Variants in TBCA observed in about 807,000 individuals in gnomAD.
TBCA encodes the protein tubulin folding cofactor A, also known as tubulin-specific chaperone A.
In TBCA, 6 loss-of-function variants were observed where a neutral mutation model predicts 15.8. That is an observed-to-expected ratio of 0.38 (90% confidence interval 0.21 to 0.75). The LOEUF (loss-of-function observed/expected upper bound fraction) is 0.75. Among genes scored for constraint, TBCA ranks in the 30% least tolerant of loss-of-function variants. The probability of loss-of-function intolerance (pLI) is 0.46; values close to 1 mark genes in which losing one functional copy is unlikely to be tolerated. For synonymous variants in TBCA, 32 were observed against 42.3 expected, an observed-to-expected ratio of 0.76 and a Z score of 0.94; for missense variants, 90 against 131.2, an observed-to-expected ratio of 0.69 and a Z score of 1.53.
chr5:77,693,115 C>A (rs1321025851), intron 3 of TBCA, 151 bp downstream of exon 3: 1 of 1,493,364 alleles, frequency 6.7e-7, no homozygotes, highest in African/African-American at 1.4e-5. Context: ...AATTTAAACT[C>A]CATTAATTAT....
At chr5:77,702,783 T>A (rs1746051237) in intron 2 of TBCA, among the ~76,000 whole-genome samples, 1 of 152,260 alleles carries the variant, frequency 6.6e-6, no homozygotes, top group South Asian at 2.1e-4. Flanking sequence ...GAATTTCCTG[T>A]GAAATCTATA....
chr5:77,751,661 C>A (rs1319640216), intron 1 of TBCA, among the ~76,000 whole-genome samples: 1 of 152,156 alleles, frequency 6.6e-6, no homozygotes, highest in East Asian at 1.9e-4. Context: ...ACTGTAACCG[C>A]CCAAGGGGTT....
intron 1 of TBCA, among the ~76,000 whole-genome samples, chr5:77,710,590 A>G (rs979835659): frequency 1.3e-5 from 2 of 152,202 alleles, no homozygotes; most frequent in Admixed American, 6.5e-5. Context: ...TGACATATAC[A>G]TCTGAATTTC....
intron 1 of TBCA, among the ~76,000 whole-genome samples, chr5:77,718,542 T>C (rs1358419637): frequency 6.6e-6 from 1 of 152,208 alleles, no homozygotes; most frequent in Admixed American, 6.5e-5. Flanking sequence ...AAGCTGATGA[T>C]TTAGTGCTAA....
In TBCA at chr5:77,744,910, A is replaced by G. The variant is rs1006014491; in HGVS notation, c.53+31295T>C. Among the ~76,000 whole-genome samples, 3 of 152,186 alleles carry G rather than the reference A, an allele frequency of 2.0e-5. 1 individual carries two copies. The highest frequency in any genetic ancestry group is 7.2e-5 in the African/African-American group (3 of 41,440). On this transcript the variant is annotated intron_variant, in intron 1 of 3. Transcript: ENST00000380377. The stretch of plus-strand genomic sequence containing the variant: ...AAGTATAAAAAGGTATAGCCAGTAC[A>G]CTGGTGTTACTCAACAGGTGTTCTC...
chr5:77,757,868 G>A (rs1427349498), intron 1 of TBCA, among the ~76,000 whole-genome samples: 1 of 152,172 alleles, frequency 6.6e-6, no homozygotes, highest in African/African-American at 2.4e-5. Context: ...AGAGATACAA[G>A]GTCAAGGGTA....
intron 2 of TBCA, among the ~76,000 whole-genome samples, chr5:77,706,078 G>A (rs994872537): frequency 9.9e-5 from 15 of 152,136 alleles, no homozygotes; most frequent in Middle Eastern, 3.4e-3. Context: ...TCTTTTGCAC[G>A]GTAGAAAGCA....
chr5:77,776,063 TC>T, intron 1 of TBCA, 141 bp downstream of exon 1: 1 of 1,019,846 alleles, frequency 9.8e-7, no homozygotes, highest in Non-Finnish European at 1.4e-6. Context: ...TCCCTGCCAG[TC>T]CCAGCCAACT....
At chr5:77,754,004 C>T (rs1747418355) in intron 1 of TBCA, among the ~76,000 whole-genome samples, 2 of 152,214 alleles carry the variant, frequency 1.3e-5, no homozygotes, top group African/African-American at 2.4e-5. Context: ...GATCTACCTA[C>T]CTTGACCTCC....
chr5:77,760,762 AG>A (rs1459905945), intron 1 of TBCA, among the ~76,000 whole-genome samples: 1 of 152,156 alleles, frequency 6.6e-6, no homozygotes, highest in African/African-American at 2.4e-5. Context: ...GCATGATCTC[AG>A]CTCGCTACAA....
intron 2 of TBCA, among the ~76,000 whole-genome samples, chr5:77,697,118 A>G (rs1054591131): frequency 6.6e-6 from 1 of 152,236 alleles, no homozygotes; most frequent in African/African-American, 2.4e-5. Flanking sequence ...TAGCACTGAA[A>G]GGAAAAACAG....
At chr5:77,739,654 T>C (rs1025377318) in intron 1 of TBCA, among the ~76,000 whole-genome samples, 3 of 152,220 alleles carry the variant, frequency 2.0e-5, no homozygotes, top group African/African-American at 4.8e-5. Context: ...TTTCCTGCGC[T>C]GTTAACAAGA....
At chr5:77,759,762 G>C (rs1247984273) in intron 1 of TBCA, among the ~76,000 whole-genome samples, 1 of 152,068 alleles carries the variant, frequency 6.6e-6, no homozygotes, top group Non-Finnish European at 1.5e-5. Flanking sequence ...CCTATTTAAT[G>C]TATTTCAATG....
intron 1 of TBCA, among the ~76,000 whole-genome samples, chr5:77,767,642 C>G (rs1040409180): frequency 6.6e-6 from 1 of 152,218 alleles, no homozygotes; most frequent in Non-Finnish European, 1.5e-5. Context: ...AGAAATTACT[C>G]AAGAACACAA....
intron 1 of TBCA, among the ~76,000 whole-genome samples, chr5:77,760,539 C>T (rs948085506): frequency 6.6e-6 from 1 of 152,194 alleles, no homozygotes; most frequent in Non-Finnish European, 1.5e-5. Context: ...TCTCCTGCCT[C>T]GGCCTGCCGA....
intron 1 of TBCA, among the ~76,000 whole-genome samples, chr5:77,766,181 C>T (rs985888004): frequency 6.6e-6 from 1 of 152,034 alleles, no homozygotes; most frequent in Non-Finnish European, 1.5e-5. Flanking sequence ...TGTAACTTAG[C>T]AGGCAGTTAA....
In TBCA at chr5:77,691,166, TTC is replaced by T; in HGVS notation, c.*250_*251del. 4.8e-6 allele frequency: 2 copies of T among 414,116 alleles called. No individual in the cohort carries two copies. The highest frequency in any genetic ancestry group is 8.7e-6 in the Non-Finnish European group (2 of 230,670). The allele number at this position is 414,116 out of a possible 1,614,324, so 25.7% of individuals were successfully genotyped here. Reference sequence around the variant, plus strand: ...TCGAATAGAACCTAACAGATTATAGTTCTCTGTCATAAAGTCTATGTGGTTTA... The same window carrying T: ...TCGAATAGAACCTAACAGATTATAGTTCTGTCATAAAGTCTATGTGGTTTA... On this transcript the variant is annotated 3_prime_UTR_variant, in exon 4 of 4. Coordinates refer to ENST00000380377, the MANE Select transcript of TBCA (RefSeq NM_004607.3).
chr5:77,734,229 T>C (rs1482262643), intron 1 of TBCA, among the ~76,000 whole-genome samples: 1 of 152,246 alleles, frequency 6.6e-6, no homozygotes, highest in Non-Finnish European at 1.5e-5. Context: ...CTGCAGCCCA[T>C]GCAGCAAAGA....
chr5:77,704,214 C>T (rs957533356), intron 2 of TBCA, among the ~76,000 whole-genome samples: 1 of 152,148 alleles, frequency 6.6e-6, no homozygotes, highest in Non-Finnish European at 1.5e-5. Context: ...AAGTGATCTA[C>T]CCAGCTTGGC....
Sources: allele counts gnomAD v4.1 joint callset (sites outside exome capture counted in the v4.1 genomes callset), GRCh38; gene constraint gnomAD v4.1.1; transcripts MANE v1.5; gene names NCBI Gene and HGNC (gene_info 2026-07-23, HGNC 2026-07-21).